LRPPRC: variants seen among roughly 807,000 people sequenced by gnomAD.
The protein encoded by LRPPRC is leucine-rich PPR motif-containing protein, mitochondrial.
LRPPRC carries 120 observed loss-of-function variants against 180.3 expected under a neutral mutation model. That is an observed-to-expected ratio of 0.67 (90% CI 0.57 to 0.77). LRPPRC has a LOEUF of 0.77. LRPPRC is among the 30% of genes least tolerant of loss of function. The pLI is 0.00. For synonymous variants in LRPPRC, 723 were observed against 600.0 expected (o/e 1.21, Z -3.00); for missense variants, 2,012 against 1,657.2 (o/e 1.21, Z -3.72).
chr2:43,986,039 T>C (rs1217441275), intron 1 of LRPPRC, among the ~76,000 whole-genome samples: 2 of 152,224 alleles, frequency 1.3e-5, no homozygotes, highest in Admixed American at 6.5e-5. Context: ...TGTTTTAATT[T>C]ATATTTCTCT....
At chr2:43,993,119 G>T (rs112722254) in intron 1 of LRPPRC, among the ~76,000 whole-genome samples, 40 of 152,290 alleles carry the variant, frequency 2.6e-4, no homozygotes, top group African/African-American at 8.7e-4. Flanking sequence ...TCATGAAGGG[G>T]AAAATGGAAG....
intron 36 of LRPPRC, chr2:43,892,577 C>T (rs191257735): frequency 6.6e-6 from 1 of 152,260 alleles, no homozygotes; most frequent in East Asian, 1.9e-4. Context: ...CCCAAGAGCT[C>T]TGAAGGAGAT....
In LRPPRC at chr2:43,917,935, G is replaced by C. The variant is rs1048844339; in HGVS notation, c.3148+90C>G. 19 of 840,328 alleles carry C rather than the reference G, an allele frequency of 2.3e-5. No homozygotes were observed. The African/African-American group carries it at 3.1e-4, about 14-fold the overall frequency. The allele number at this position is 840,328 out of a possible 1,614,324, so 52.1% of individuals were successfully genotyped here. On this transcript the variant is annotated intron_variant, in intron 29 of 37. Coordinates refer to ENST00000260665, the MANE Select transcript of LRPPRC (RefSeq NM_133259.4). ...ATTTAAGTCCTATCTCTATCCTAGA[G>C]CACTTCTAATTGGTTGGGCTTACAC...
chr2:43,926,054 G>C (rs745615983), intron 25 of LRPPRC, 93 bp from the exon 26 acceptor site: 33 of 752,424 alleles, frequency 4.4e-5, no homozygotes, highest in Non-Finnish European at 7.7e-5. Context: ...TTATGAATTT[G>C]CTGCCAAATA....
chr2:43,978,307 T>C (rs865814527), intron 3 of LRPPRC, among the ~76,000 whole-genome samples: 8 of 152,148 alleles, frequency 5.3e-5, no homozygotes, highest in African/African-American at 1.7e-4. Context: ...TCAACAAGTA[T>C]GTATCAAATG....
intron 1 of LRPPRC, among the ~76,000 whole-genome samples, chr2:43,994,298 T>C (rs11686591): frequency 0.59 from 89,927 of 152,044 alleles, 27,858 homozygotes; most frequent in Middle Eastern, 0.68. Context: ...ATAACTAAGT[T>C]GTTAAGAAAT....
chr2:43,976,934 A>T, intron 5 of LRPPRC, 60 bp downstream of exon 5: 1 of 1,346,396 alleles, frequency 7.4e-7, no homozygotes, highest in Non-Finnish European at 1.1e-6. Flanking sequence ...GAGTGAACAG[A>T]CATTAGATTT....
chr2:43,934,874 C>A lies in LRPPRC; in HGVS notation c.2509G>T (p.Asp837Tyr), dbSNP rs200192254. 2.5e-6 allele frequency: 4 copies of A among 1,612,466 alleles called. No homozygotes were observed. In the African/African-American group the frequency reaches 5.3e-5, roughly 22 times the overall value. ...PLVTVHLEKG[D>Y]LSTALEVAID... ...GCGACCTCAAGAGCAGTAGATAGGTCGCCCCTTAGAAACAAAAAAATTAGC... is the reference window on the plus strand; with the variant it reads ...GCGACCTCAAGAGCAGTAGATAGGTAGCCCCTTAGAAACAAAAAAATTAGC... Residue 837 changes from aspartate (D) to tyrosine (Y), a missense_variant, in exon 24 of 38, where the codon GAC becomes TAC. Coordinates refer to ENST00000260665, the MANE Select transcript of LRPPRC (RefSeq NM_133259.4).
chr2:43,963,400 T>A, intron 12 of LRPPRC, 188 bp downstream of exon 12: 1 of 633,086 alleles, frequency 1.6e-6, no homozygotes, highest in Non-Finnish European at 2.8e-6. Flanking sequence ...GCCAAGATTG[T>A]GCCATTGCAC....
intron 22 of LRPPRC, among the ~76,000 whole-genome samples, chr2:43,945,000 C>T (rs1423461650): frequency 2.0e-5 from 3 of 152,088 alleles, no homozygotes; most frequent in Admixed American, 2.0e-4. Flanking sequence ...TTCAGACCTT[C>T]TTAAGCAAAA....
intron 11 of LRPPRC, among the ~76,000 whole-genome samples, chr2:43,972,313 AT>A (rs1449225978): frequency 6.6e-6 from 1 of 152,150 alleles, no homozygotes; most frequent in East Asian, 1.9e-4. Context: ...GATAAAGCCC[AT>A]TTTCTACTAT....
intron 14 of LRPPRC, among the ~76,000 whole-genome samples, chr2:43,956,735 C>T (rs747798012): frequency 2.4e-4 from 36 of 151,994 alleles, no homozygotes; most frequent in Non-Finnish European, 4.7e-4. Flanking sequence ...ACTAAAAATA[C>T]AAAACTTAGC....
rs573300734 is a variant in LRPPRC at position 43,911,482 on chromosome 2, T to A, written c.3275+950A>T. Among the ~76,000 whole-genome samples, 32 of 151,774 alleles carry A rather than the reference T, an allele frequency of 2.1e-4. No homozygotes were observed. The East Asian group carries it at 5.6e-3, about 27-fold the overall frequency. On this transcript the variant is annotated intron_variant, in intron 30 of 37. Coordinates refer to ENST00000260665, the MANE Select transcript of LRPPRC (RefSeq NM_133259.4). ...TCTAAAAGTGCTGCGGACTTAAAAT[T>A]TTTTTCAGATTATTCCTTTTCTTTT...
At chr2:43,967,255 C>T (rs1340699876) in intron 11 of LRPPRC, among the ~76,000 whole-genome samples, 1 of 152,030 alleles carries the variant, frequency 6.6e-6, no homozygotes, top group Admixed American at 6.6e-5. Flanking sequence ...ATTATTTGAA[C>T]TAGCCAGCCA....
chr2:43,927,030 G>A (rs922042030), intron 25 of LRPPRC, among the ~76,000 whole-genome samples: 4 of 152,156 alleles, frequency 2.6e-5, no homozygotes, highest in African/African-American at 7.2e-5. Flanking sequence ...TACAATTTTG[G>A]ATACTGGAAT....
chr2:43,971,973 G>A (rs749461778), intron 11 of LRPPRC, among the ~76,000 whole-genome samples: 9 of 145,524 alleles, frequency 6.2e-5, no homozygotes, highest in East Asian at 1.9e-4. Flanking sequence ...AACCTTCATC[G>A]ATTAAAAAAT....
intron 24 of LRPPRC, 28 bp from the exon 25 acceptor site, chr2:43,934,324 A>ATC (rs1558966153): frequency 2.8e-6 from 3 of 1,087,010 alleles, no homozygotes; most frequent in Non-Finnish European, 4.2e-6. Flanking sequence ...AAATATATAT[A>ATC]TTAGGAGAAA....
chr2:43,918,054 A>G lies in LRPPRC; in HGVS notation c.3119T>C (p.Leu1040Ser), dbSNP rs1671541218. The G allele has an allele frequency of 2.5e-6, 4 of 1,611,036 alleles. No individual in the cohort carries two copies. The highest frequency in any genetic ancestry group is 1.7e-5 in the Admixed American group (1 of 59,718). The part of the protein sequence containing the change: ...TTEPDFQKDI[L>S]IACRLNQKKG... ...TTTTTGGTTCAATCGGCAGGCAATC[A>G]ATATATCTTTCTGGAAATCAGGTTC... is the stretch of plus-strand genomic sequence containing the variant. Residue 1040 changes from leucine (L) to serine (S), a missense_variant, in exon 29 of 38, where the codon TTG (leucine) becomes TCG (serine). Leu to Ser is a moderately radical substitution (Grantham distance 145). Transcript: ENST00000260665.
Position 43,943,809 on chromosome 2 carries a change from A to G in LRPPRC, c.2382T>C (p.Asn794=). ...CAATTTCACCTCTTAAAGCTGCGCC[A>G]TTTAGCATGTGGAAAAAGGACAAGG... ...TTALSFFHML[N]GAALRGEIET... is the part of the protein sequence containing the mutation. The change falls in exon 23 of 38, where the codon AAT becomes AAC. Residue 794 remains asparagine (N), a synonymous_variant. Coordinates refer to ENST00000260665, the MANE Select transcript of LRPPRC (RefSeq NM_133259.4). 1 of 1,613,526 alleles carries G rather than the reference A, an allele frequency of 6.2e-7. No individual in the cohort carries two copies. The highest frequency in any genetic ancestry group is 8.5e-7 in the Non-Finnish European group (1 of 1,179,492).
Sources: gnomAD v4.1 joint callset for allele counts (sites outside exome capture counted in the v4.1 genomes callset) on GRCh38, gnomAD v4.1.1 for gene constraint, MANE v1.5 for transcripts, NCBI Gene and HGNC (gene_info 2026-07-23, HGNC 2026-07-21) for gene names.